Variants in CERS4 observed in about 807,000 individuals in gnomAD.
CERS4 encodes the protein LAG1 homolog, ceramide synthase 4.
In CERS4, 65 loss-of-function variants were observed where a neutral mutation model predicts 51.8. The ratio of observed to expected loss-of-function variants is 1.26; its 90% CI spans 1.03 to 1.54. The LOEUF (loss-of-function observed/expected upper bound fraction) is 1.54, where lower values mean the gene tolerates loss of function less well. CERS4 is among the 40% of genes most tolerant of loss of function. The pLI is 0.00. For missense variants in CERS4, 563 were observed against 500.4 expected (o/e 1.13, Z -1.19); for synonymous variants, 228 against 208.4 (o/e 1.09, Z -0.81).
chr19:8,238,429 GA>G, intron 2 of CERS4: 1 of 847,068 alleles, frequency 1.2e-6, no homozygotes, highest in Non-Finnish European at 1.4e-6. Flanking sequence ...AGGCATGTTG[GA>G]AAAAGGGCAC....
chr19:8,215,567 A>G (rs1967266150), intron 2 of CERS4, among the ~76,000 whole-genome samples: 1 of 151,644 alleles, frequency 6.6e-6, no homozygotes, highest in Non-Finnish European at 1.5e-5. Context: ...CAGGCAAAAG[A>G]GAGAGAACTC....
intron 2 of CERS4, chr19:8,241,454 A>C (rs1599557306): frequency 1.3e-5 from 2 of 152,200 alleles, no homozygotes; most frequent in East Asian, 3.8e-4. Context: ...AGCCGGGATT[A>C]CAGGTGTGTG....
intron 2 of CERS4, among the ~76,000 whole-genome samples, chr19:8,230,057 A>G (rs115763964): frequency 6.6e-6 from 1 of 151,938 alleles, no homozygotes; most frequent in Admixed American, 6.6e-5. Flanking sequence ...TTATGTGCAT[A>G]TATGTAGCCA....
At position 8,251,258 on chromosome 19, in the gene CERS4, C is replaced by A; in HGVS notation, c.173+9C>A. The A allele has an allele frequency of 6.3e-7, 1 of 1,584,340 alleles. No homozygotes were observed. Among genetic ancestry groups the A allele is most frequent in the South Asian group, 1.2e-5 (1 of 86,562 alleles). On this transcript the variant is annotated intron_variant, in intron 3 of 11. Coordinates refer to ENST00000251363, the MANE Select transcript of CERS4 (RefSeq NM_024552.3). ...CGCCTTGCCTTTGAGAGGTGAGTGTCTGCCCTGCCGCAATCCATTGCCCCC... is the reference window on the plus strand; with the variant it reads ...CGCCTTGCCTTTGAGAGGTGAGTGTATGCCCTGCCGCAATCCATTGCCCCC...
At chr19:8,249,219 T>C (rs184741730) in intron 2 of CERS4, among the ~76,000 whole-genome samples, 63 of 150,068 alleles carry the variant, frequency 4.2e-4, no homozygotes, top group Middle Eastern at 3.4e-3. Context: ...GGTGGATGGA[T>C]GATGGGTGGG....
chr19:8,248,128 C>T (rs12973288), intron 2 of CERS4, among the ~76,000 whole-genome samples: 6,204 of 152,256 alleles, frequency 0.041, 160 homozygotes, highest in African/African-American at 0.054. Flanking sequence ...GTTATCTACC[C>T]GGCCCGTTAT....
chr19:8,255,145 T>TGGGGA (rs1234687331), intron 4 of CERS4, among the ~76,000 whole-genome samples: 1 of 151,560 alleles, frequency 6.6e-6, no homozygotes, highest in African/African-American at 2.4e-5. Context: ...CTGAGTGGGG[T>TGGGGA]GGGGAATGGT....
At chr19:8,214,773 C>T (rs73922266) in intron 2 of CERS4, among the ~76,000 whole-genome samples, 1,526 of 152,062 alleles carry the variant, frequency 0.01, 22 homozygotes, top group African/African-American at 0.035. Context: ...AGGAGGACTA[C>T]GCAGTGGCCA....
At chr19:8,229,418 TTTCTTC>T (rs374087773) in intron 2 of CERS4, among the ~76,000 whole-genome samples, 1 of 25,742 alleles carries the variant, frequency 3.9e-5, no homozygotes, top group African/African-American at 1.1e-4. Flanking sequence ...TTTCTTCTTT[TTTCTTC>T]TTCTTCTTCT....
In CERS4 at chr19:8,262,203, A is replaced by G; in HGVS notation, c.*94A>G. 1.5e-6 allele frequency: 2 copies of G among 1,325,666 alleles called. No individual in the cohort carries two copies. Among genetic ancestry groups the G allele is most frequent in the Non-Finnish European group, 1.9e-6 (2 of 1,027,416 alleles). 82.1% of individuals were successfully genotyped at this position (1,325,666 alleles called of 1,614,324 possible). Reference sequence around the variant, plus strand: ...TGGCGCCCCTGGGCCACCTTTCTGGAGACAGGGAGGGCCCCACCCGGGGTG... The same window carrying G: ...TGGCGCCCCTGGGCCACCTTTCTGGGGACAGGGAGGGCCCCACCCGGGGTG... On this transcript the variant is annotated 3_prime_UTR_variant, in exon 12 of 12. Transcript: ENST00000251363.
At chr19:8,253,121 TAGG>T (rs934823688) in intron 3 of CERS4, among the ~76,000 whole-genome samples, 2 of 152,244 alleles carry the variant, frequency 1.3e-5, no homozygotes, top group African/African-American at 4.8e-5. Context: ...GGCAGGATGT[TAGG>T]AGGGATGGTG....
chr19:8,255,648 G>A lies in CERS4; in HGVS notation c.333G>A (p.Leu111=), dbSNP rs1341614058. The A allele has an allele frequency of 2.5e-6, 4 of 1,613,054 alleles. No individual in the cohort carries two copies. Among genetic ancestry groups the A allele is most frequent in the South Asian group, 2.2e-5 (2 of 91,018 alleles). The change falls in exon 5 of 12, where the codon CTG becomes CTA. Residue 111 remains leucine, a synonymous_variant. Coordinates refer to ENST00000251363, the MANE Select transcript of CERS4 (RefSeq NM_024552.3). ...SLLAAQCGLT[L]QQTQRWFRRR... is the part of the protein sequence containing the mutation. The stretch of plus-strand genomic sequence containing the variant: ...TGGCCGCCCAGTGTGGCCTCACGCT[G>A]CAGCAGACCCAGCGATGGTTCCGGA...
At chr19:8,257,222 C>T in intron 9 of CERS4, 145 bp downstream of exon 9, 1 of 840,610 alleles carries the variant, frequency 1.2e-6, no homozygotes, top group South Asian at 1.7e-5. Context: ...GGCCCTGCCC[C>T]CTCTGTCTTC....
chr19:8,256,716 G>C lies in CERS4; in HGVS notation c.612+6G>C. On this transcript the variant is annotated splice_donor_region_variant and intron_variant, in intron 8 of 11. Transcript: ENST00000251363. The stretch of plus-strand genomic sequence containing the variant: ...CCTTTGATGTCAAGCGCAAGGTGAG[G>C]CCAAATAAGAGTCTGGAAGACCCAG... The C allele has an allele frequency of 6.2e-7, 1 of 1,611,560 alleles. No individual in the cohort carries two copies. Among genetic ancestry groups the C allele is most frequent in the South Asian group, 1.1e-5 (1 of 90,712 alleles).
chr19:8,255,653 A>G lies in CERS4; in HGVS notation c.338A>G (p.Gln113Arg), dbSNP rs375857965. ...GCCCAGTGTGGCCTCACGCTGCAGC[A>G]GACCCAGCGATGGTTCCGGAGACGC... The part of the protein sequence containing the change: ...LAAQCGLTLQ[Q>R]TQRWFRRRRN... Residue 113 changes from glutamine to arginine, a missense_variant, in exon 5 of 12, where the codon CAG (glutamine) becomes CGG (arginine). Gln to Arg is a conservative substitution (Grantham distance 43). Transcript: ENST00000251363. The G allele has an allele frequency of 5.6e-6, 9 of 1,612,996 alleles. No individual in the cohort carries two copies. The highest frequency in any genetic ancestry group is 1.3e-5 in the African/African-American group (1 of 74,900).
At chr19:8,213,560 A>G (rs77436451) in intron 2 of CERS4, among the ~76,000 whole-genome samples, 8,304 of 152,174 alleles carry the variant, frequency 0.055, 289 homozygotes, top group East Asian at 0.16. Flanking sequence ...CTCCAGCCTC[A>G]ACCTCCCAAA....
intron 2 of CERS4, among the ~76,000 whole-genome samples, chr19:8,247,532 A>G (rs1468092177): frequency 6.6e-6 from 1 of 151,934 alleles, no homozygotes; most frequent in Non-Finnish European, 1.5e-5. Flanking sequence ...TCGTACTCCC[A>G]CATCAGCTTC....
chr19:8,212,405 A>G (rs548576313), intron 2 of CERS4, among the ~76,000 whole-genome samples: 29 of 152,196 alleles, frequency 1.9e-4, no homozygotes, highest in African/African-American at 3.4e-4. Flanking sequence ...TAAGTCAGCA[A>G]TCTGTTCTCA....
chr19:8,219,662 C>CA (rs35780221), intron 2 of CERS4, among the ~76,000 whole-genome samples: 61,194 of 151,780 alleles, frequency 0.4, 13,119 homozygotes, highest in Non-Finnish European at 0.48. Flanking sequence ...ACTAAAAATA[C>CA]AAAAAAATTA....
Sources: gnomAD v4.1 joint callset for allele counts (sites outside exome capture counted in the v4.1 genomes callset) on GRCh38, gnomAD v4.1.1 for gene constraint, MANE v1.5 for transcripts, NCBI Gene and HGNC (gene_info 2026-07-23, HGNC 2026-07-21) for gene names.